The following LAMA2 variants were observed in gnomAD, a reference collection of about 807,000 sequenced individuals.
The protein encoded by LAMA2 is laminin subunit alpha-2.
In LAMA2, 269 loss-of-function variants were observed where a neutral mutation model predicts 364.8. The ratio of observed to expected loss-of-function variants is 0.74; its 90% CI spans 0.67 to 0.82. The LOEUF (loss-of-function observed/expected upper bound fraction) is 0.82, where lower values mean the gene tolerates loss of function less well. LAMA2 is among the 40% of genes least tolerant of loss of function. The probability of loss-of-function intolerance (pLI) is 0.00; values close to 1 mark genes in which losing one functional copy is unlikely to be tolerated. For missense variants in LAMA2, 3,807 were observed against 3,873.2 expected, an observed-to-expected ratio of 0.98 and a Z score of 0.45; for synonymous variants, 1,379 against 1,370.6, an observed-to-expected ratio of 1.01 and a Z score of -0.14.
At chr6:129,328,465 A>G (rs1775436789) in intron 29 of LAMA2, 53 bp downstream of exon 29, 4 of 1,613,352 alleles carry the variant, frequency 2.5e-6, no homozygotes, top group South Asian at 1.1e-5. Context: ...TCCTCTTTAC[A>G]CATGCTCAGC....
At chr6:129,182,875 T>C (rs1781010433) in intron 10 of LAMA2, among the ~76,000 whole-genome samples, 1 of 151,818 alleles carries the variant, frequency 6.6e-6, no homozygotes, top group Admixed American at 6.6e-5. Context: ...GGGTAATGCA[T>C]GTTATATGTG....
At chr6:129,013,297 C>T (rs1335117722) in intron 1 of LAMA2, among the ~76,000 whole-genome samples, 2 of 151,864 alleles carry the variant, frequency 1.3e-5, no homozygotes, top group African/African-American at 4.8e-5. Flanking sequence ...ATTAGCCCGG[C>T]GTGGTGGCGG....
intron 1 of LAMA2, among the ~76,000 whole-genome samples, chr6:129,006,636 C>T (rs1784454251): frequency 1.3e-5 from 2 of 152,178 alleles, no homozygotes; most frequent in Non-Finnish European, 2.9e-5. Context: ...GATTTCTGAA[C>T]TGCCTCTGCA....
intron 4 of LAMA2, among the ~76,000 whole-genome samples, chr6:129,106,653 T>C (rs1583053094): frequency 6.6e-6 from 1 of 152,056 alleles, no homozygotes; most frequent in Admixed American, 6.6e-5. Context: ...TGGAGTCCTC[T>C]AAAAAATGAA....
intron 48 of LAMA2, among the ~76,000 whole-genome samples, chr6:129,458,605 G>T (rs145524532): frequency 6.6e-6 from 1 of 152,014 alleles, no homozygotes; most frequent in East Asian, 2.0e-4. Context: ...AAATTAAGAG[G>T]TTCAGAGTGA....
At chr6:128,939,771 T>A (rs1401594422) in intron 1 of LAMA2, among the ~76,000 whole-genome samples, 1 of 152,186 alleles carries the variant, frequency 6.6e-6, no homozygotes, top group Non-Finnish European at 1.5e-5. Context: ...TGATTTATAC[T>A]TCTTGTAAAA....
chr6:129,441,403 C>A (rs1452090436), intron 43 of LAMA2, among the ~76,000 whole-genome samples: 1 of 152,098 alleles, frequency 6.6e-6, no homozygotes, highest in Non-Finnish European at 1.5e-5. Context: ...CTTGTTAGAA[C>A]AGGATATGAA....
intron 2 of LAMA2, among the ~76,000 whole-genome samples, chr6:129,052,619 CT>C (rs1788157448): frequency 6.6e-6 from 1 of 152,102 alleles, no homozygotes; most frequent in Non-Finnish European, 1.5e-5. Flanking sequence ...GTCCATGAAC[CT>C]ACATTGACAA....
At chr6:129,246,793 G>A (rs772917208) in intron 12 of LAMA2, among the ~76,000 whole-genome samples, 8 of 152,150 alleles carry the variant, frequency 5.3e-5, no homozygotes, top group Non-Finnish European at 1.0e-4. Context: ...CAAAACGAAG[G>A]CGGCACCTGG....
chr6:129,257,017 C>G (rs1248879796), intron 14 of LAMA2, among the ~76,000 whole-genome samples: 1 of 151,512 alleles, frequency 6.6e-6, no homozygotes, highest in Non-Finnish European at 1.5e-5. Context: ...ATTATGTCCT[C>G]TCTCTTCATC....
rs1234798912 is a variant in LAMA2, at chr6:129,507,636, A to G, written c.8851A>G (p.Lys2951Glu). 1.2e-6 allele frequency: 2 copies of G among 1,614,048 alleles called. No homozygotes were observed. The highest frequency in any genetic ancestry group is 2.7e-5 in the African/African-American group (2 of 74,946). ...ATATTTTGACGGAACCGGTTTTGCC[A>G]AAGCAGGTAAGGCTCTTTCATTTCC... Reference protein sequence around the residue: ...GTYFDGTGFAKAVGGFKVGLD... With the variant: ...GTYFDGTGFAEAVGGFKVGLD... The change falls in exon 62 of 65, where the codon AAA becomes GAA. Residue 2951 changes from lysine (K) to glutamate (E), a missense_variant. Coordinates refer to ENST00000421865, the MANE Select transcript of LAMA2 (RefSeq NM_000426.4).
At position 129,404,007 on chromosome 6, in the gene LAMA2, G is replaced by A. The variant is rs1328537907; in HGVS notation, c.5865+48G>A. On this transcript the variant is annotated intron_variant, in intron 40 of 64. Transcript: ENST00000421865. ...GCTGGGAATGGAAGTCAACCTTTTT[G>A]AATTTTTCAAATGTAAGTCAGTCTG... 3.7e-6 allele frequency: 6 copies of A among 1,606,812 alleles called. No individual in the cohort carries two copies. The African/African-American group carries it at 8.0e-5, about 21-fold the overall frequency.
chr6:129,121,313 T>A (rs1477936540), intron 4 of LAMA2, among the ~76,000 whole-genome samples: 2 of 152,278 alleles, frequency 1.3e-5, no homozygotes, highest in East Asian at 1.9e-4. Flanking sequence ...TTTAAAAAAA[T>A]TTTTTGAGGT....
At chr6:129,134,837 C>T (rs1286085913) in intron 4 of LAMA2, among the ~76,000 whole-genome samples, 1 of 152,164 alleles carries the variant, frequency 6.6e-6, no homozygotes, top group East Asian at 1.9e-4. Flanking sequence ...AACTCTTAGG[C>T]ATGTTTCAGT....
Position 129,502,006 on chromosome 6 carries a change from G to A in LAMA2, c.8245-653G>A, listed in dbSNP as rs116634083. On this transcript the variant is annotated intron_variant, in intron 58 of 64. Transcript: ENST00000421865. ...TTAAACCATGTGACTGCACAGCCCC[G>A]CACCTAGCTCTCCCCCTCAGCACCC... is the stretch of plus-strand genomic sequence containing the variant. Among the ~76,000 whole-genome samples, 608 of 152,254 alleles carry A rather than the reference G, an allele frequency of 4.0e-3. 5 individuals carry two copies. Among genetic ancestry groups the A allele is most frequent in the African/African-American group, 0.012 (502 of 41,542 alleles).
chr6:129,367,028 T>G (rs886491953), intron 33 of LAMA2, among the ~76,000 whole-genome samples: 2 of 152,240 alleles, frequency 1.3e-5, no homozygotes, highest in African/African-American at 4.8e-5. Context: ...AATGCTTACA[T>G]TAATATTTAA....
intron 1 of LAMA2, among the ~76,000 whole-genome samples, chr6:129,004,956 C>T (rs921848524): frequency 2.6e-5 from 4 of 151,990 alleles, no homozygotes; most frequent in African/African-American, 9.7e-5. Flanking sequence ...TCAAGTAAAA[C>T]CTCATGGAAT....
chr6:129,300,277 C>T lies in LAMA2; in HGVS notation c.3038-459C>T, dbSNP rs551542000. Among the ~76,000 whole-genome samples, 12 of 152,030 alleles carry T rather than the reference C, an allele frequency of 7.9e-5. No homozygotes were observed. The South Asian group carries it at 1.9e-3, about 24-fold the overall frequency. On this transcript the variant is annotated intron_variant, in intron 21 of 64. Transcript: ENST00000421865. The stretch of plus-strand genomic sequence containing the variant: ...GTTTCTAACTATATACATGATGTAC[C>T]GAATTTAAGAAGCTTATTAAGCTTA...
chr6:128,997,571 G>A (rs1226626962), intron 1 of LAMA2, among the ~76,000 whole-genome samples: 1 of 151,828 alleles, frequency 6.6e-6, no homozygotes, highest in East Asian at 1.9e-4. Context: ...GAGGCAGGTG[G>A]ATCACTTGAG....
Sources: allele counts gnomAD v4.1 joint callset (sites outside exome capture counted in the v4.1 genomes callset), GRCh38; gene constraint gnomAD v4.1.1; transcripts MANE v1.5; gene names NCBI Gene and HGNC (gene_info 2026-07-23, HGNC 2026-07-21).